Variants in INPP4B observed in about 807,000 individuals in gnomAD.
The protein encoded by INPP4B is inositol polyphosphate-4-phosphatase type II B.
Under a neutral mutation model 122.5 loss-of-function variants are expected in INPP4B, and 55 were observed. The ratio of observed to expected loss-of-function variants is 0.45; its 90% confidence interval spans 0.36 to 0.56. INPP4B has a LOEUF of 0.56. Among genes scored for constraint, INPP4B ranks in the 20% least tolerant of loss-of-function variants. INPP4B has a pLI of 0.00. For synonymous variants in INPP4B, 403 were observed against 388.7 expected (o/e 1.04, Z -0.43); for missense variants, 1,000 against 1,097.7 (o/e 0.91, Z 1.26).
rs1420619651 is a variant in INPP4B at position 142,026,334 on chromosome 4, T to C, written c.*2448A>G. 6.6e-6 allele frequency: 1 copy of C among 152,226 alleles called. No homozygotes were observed. The highest frequency in any genetic ancestry group is 1.5e-5 in the Non-Finnish European group (1 of 68,034). 9.4% of individuals were successfully genotyped at this position (152,226 alleles called of 1,614,324 possible). On this transcript the variant is annotated 3_prime_UTR_variant, in exon 26 of 26. Transcript: ENST00000262992. ...GTCTCTATGAAACACATTTTCTTGA[T>C]GAAATCCACTTTTAGAAGTTTGCAC...
intron 1 of INPP4B, among the ~76,000 whole-genome samples, chr4:142,751,244 T>C (rs1769648646): frequency 6.7e-6 from 1 of 149,938 alleles, no homozygotes; most frequent in South Asian, 2.1e-4. Context: ...TTTGTTTCCT[T>C]GTTTTCATAA....
chr4:142,558,203 C>G (rs1729630986), intron 2 of INPP4B, among the ~76,000 whole-genome samples: 1 of 152,250 alleles, frequency 6.6e-6, no homozygotes, highest in Admixed American at 6.5e-5. Context: ...TTTTCAAAAC[C>G]TTGACCGCTA....
At chr4:142,692,811 C>G (rs1404879117) in intron 2 of INPP4B, among the ~76,000 whole-genome samples, 1 of 151,916 alleles carries the variant, frequency 6.6e-6, no homozygotes, top group East Asian at 1.9e-4. Context: ...AATATAAACT[C>G]TTTGTCCCTG....
intron 2 of INPP4B, among the ~76,000 whole-genome samples, chr4:142,665,691 T>C (rs1274327943): frequency 6.6e-6 from 1 of 152,074 alleles, no homozygotes; most frequent in Non-Finnish European, 1.5e-5. Flanking sequence ...TTGAAAATAT[T>C]TTCATAACCT....
chr4:142,042,528 ATGT>A (rs1748507924), intron 25 of INPP4B, among the ~76,000 whole-genome samples: 18 of 33,502 alleles, frequency 5.4e-4, no homozygotes, highest in Admixed American at 5.3e-3. Context: ...GTATGTATGT[ATGT>A]ATGTATGTAT....
chr4:142,446,333 G>A lies in INPP4B; in HGVS notation c.-126-14948C>T, dbSNP rs191382474. Among the ~76,000 whole-genome samples, 122 of 151,968 alleles carry A rather than the reference G, an allele frequency of 8.0e-4. 2 individuals are homozygous for A. The highest frequency in any genetic ancestry group is 2.3e-3 in the African/African-American group (96 of 41,542). On this transcript the variant is annotated intron_variant, in intron 3 of 25. Transcript: ENST00000262992. ...TCAACTTCACTAGTATCAGGGAAAT[G>A]TAAACTAAAACCAAATTATATATAA... is the stretch of plus-strand genomic sequence containing the variant.
At chr4:142,708,131 A>C (rs1030422453) in intron 2 of INPP4B, among the ~76,000 whole-genome samples, 12 of 152,198 alleles carry the variant, frequency 7.9e-5, no homozygotes, top group African/African-American at 2.9e-4. Flanking sequence ...TCTGGTGGAA[A>C]AAAATTCTAA....
At chr4:142,195,129 A>G (rs1837599471) in intron 14 of INPP4B, among the ~76,000 whole-genome samples, 1 of 152,238 alleles carries the variant, frequency 6.6e-6, no homozygotes. Flanking sequence ...AAAGATGGAA[A>G]CTCTGCCATC....
At chr4:142,271,286 G>C (rs564759656) in intron 9 of INPP4B, among the ~76,000 whole-genome samples, 1 of 152,264 alleles carries the variant, frequency 6.6e-6, no homozygotes, top group East Asian at 1.9e-4. Flanking sequence ...TGAGGTAAGA[G>C]CACGGACTGT....
rs533656308 is a variant in INPP4B, at chr4:142,778,748, A to C, written c.-253-52847T>G. Among the ~76,000 whole-genome samples, 6 of 152,240 alleles carry C rather than the reference A, an allele frequency of 3.9e-5. 1 individual carries two copies. In the South Asian group the frequency reaches 1.2e-3, roughly 32 times the overall value. On this transcript the variant is annotated intron_variant, in intron 1 of 25. Transcript: ENST00000262992. ...TACCACCACTACTTTGTTGAAAATC[A>C]TTATTTTAGAAAGAATTTCATATAG...
intron 5 of INPP4B, chr4:142,426,758 A>C (rs1276951898): frequency 6.6e-6 from 1 of 152,006 alleles, no homozygotes; most frequent in African/African-American, 2.4e-5. Context: ...AAAATAACTT[A>C]TACAAAGCAA....
chr4:142,630,477 T>A (rs947327190), intron 2 of INPP4B, among the ~76,000 whole-genome samples: 2 of 152,136 alleles, frequency 1.3e-5, no homozygotes, highest in Admixed American at 1.3e-4. Flanking sequence ...GTTTTTAACA[T>A]GTAAACTGAA....
intron 1 of INPP4B, among the ~76,000 whole-genome samples, chr4:142,760,759 C>T (rs1484867462): frequency 1.3e-5 from 2 of 152,160 alleles, no homozygotes; most frequent in African/African-American, 4.8e-5. Context: ...ACCATGCTTT[C>T]TCTTTTGCCT....
At chr4:142,186,796 G>T (rs1417136121) in intron 15 of INPP4B, among the ~76,000 whole-genome samples, 2 of 152,152 alleles carry the variant, frequency 1.3e-5, no homozygotes, top group Non-Finnish European at 2.9e-5. Context: ...AGGATCATGT[G>T]AAATTGAGCA....
intron 9 of INPP4B, among the ~76,000 whole-genome samples, chr4:142,291,201 T>C (rs34075633): frequency 2.0e-3 from 303 of 152,288 alleles, no homozygotes; most frequent in Non-Finnish European, 3.5e-3. Flanking sequence ...TTCTAAGTAA[T>C]GCAAAAATTA....
chr4:142,731,762 G>T (rs1288641233), intron 1 of INPP4B, among the ~76,000 whole-genome samples: 1 of 134,996 alleles, frequency 7.4e-6, no homozygotes, highest in African/African-American at 2.8e-5. Context: ...AAAAGAACTT[G>T]AGATTTTCAG....
chr4:142,032,493 G>T (rs1386209915), intron 25 of INPP4B, among the ~76,000 whole-genome samples: 5 of 152,176 alleles, frequency 3.3e-5, no homozygotes, highest in Non-Finnish European at 7.3e-5. Context: ...GTTCTAGATG[G>T]CTCATTGGAG....
intron 3 of INPP4B, among the ~76,000 whole-genome samples, chr4:142,449,239 C>G (rs543412109): frequency 1.3e-5 from 2 of 152,316 alleles, no homozygotes; most frequent in East Asian, 3.9e-4. Flanking sequence ...GGAAGCAACA[C>G]TGACAGCAAA....
chr4:142,081,450 C>T (rs146556803), intron 25 of INPP4B, among the ~76,000 whole-genome samples: 15 of 152,214 alleles, frequency 9.9e-5, no homozygotes, highest in African/African-American at 2.9e-4. Flanking sequence ...TTTTAAATGT[C>T]GGCAGAGTAA....
Sources: gnomAD v4.1 joint callset for allele counts (sites outside exome capture counted in the v4.1 genomes callset) on GRCh38, gnomAD v4.1.1 for gene constraint, MANE v1.5 for transcripts, NCBI Gene and HGNC (gene_info 2026-07-23, HGNC 2026-07-21) for gene names.